The following MEIS2 variants were observed in gnomAD, a reference collection of about 807,000 sequenced individuals.
The protein encoded by MEIS2 is homeobox protein Meis2.
Under a neutral mutation model 58.6 loss-of-function variants are expected in MEIS2, and 9 were observed. The ratio of observed to expected loss-of-function variants is 0.15; its 90% confidence interval spans 0.09 to 0.27. The LOEUF (loss-of-function observed/expected upper bound fraction) is 0.27, where lower values mean the gene tolerates loss of function less well. Among genes scored for constraint, MEIS2 ranks in the 10% least tolerant of loss-of-function variants. The pLI is 1.00. For synonymous variants in MEIS2, 221 were observed against 228.4 expected (o/e 0.97, Z 0.29); for missense variants, 427 against 635.0 (o/e 0.67, Z 3.52).
chr15:37,094,623 AG>A, intron 4 of MEIS2, 46 bp from the exon 5 acceptor site: 1 of 1,575,798 alleles, frequency 6.3e-7, no homozygotes, highest in Non-Finnish European at 8.7e-7. Flanking sequence ...TGTGACTCTG[AG>A]GTCCTGTCTT....
rs534445536 is a variant in MEIS2, at chr15:36,895,203, G to A, written c.1095C>T (p.Pro365=). ...GACCATCCAACACAAAGCTCCCCAT[G>A]GGCTGACCCTCTGGACTATATGCTG... The part of the protein sequence containing the change: ...QGAAYSPEGQ[P]MGSFVLDGQQ... Residue 365 remains proline (P), a synonymous_variant, in exon 11 of 12, where the codon CCC becomes CCT. Transcript: ENST00000561208. The A allele has an allele frequency of 6.8e-6, 11 of 1,614,110 alleles. 1 individual carries two copies. The South Asian group carries it at 9.9e-5, about 15-fold the overall frequency.
At chr15:37,002,515 C>T (rs1489615479) in intron 8 of MEIS2, among the ~76,000 whole-genome samples, 1 of 152,122 alleles carries the variant, frequency 6.6e-6, no homozygotes, top group African/African-American at 2.4e-5. Flanking sequence ...TTGCATCCTC[C>T]TTTCACTTAG....
At chr15:36,900,335 G>A (rs1257020571) in intron 9 of MEIS2, among the ~76,000 whole-genome samples, 2 of 152,052 alleles carry the variant, frequency 1.3e-5, no homozygotes, top group Non-Finnish European at 2.9e-5. Flanking sequence ...AGTCCTTAGG[G>A]AATGAATACC....
intron 11 of MEIS2, 49 bp from the exon 12 acceptor site, chr15:36,892,508 T>C: frequency 3.3e-6 from 5 of 1,509,636 alleles, no homozygotes; most frequent in Non-Finnish European, 4.5e-6. Context: ...CTAAACATTT[T>C]TATACTTTAC....
chr15:36,914,067 G>A (rs991867471), intron 9 of MEIS2, among the ~76,000 whole-genome samples: 3 of 152,160 alleles, frequency 2.0e-5, no homozygotes, highest in African/African-American at 7.2e-5. Context: ...GGGATCTGAG[G>A]GGTTGGCAAC....
At chr15:37,099,237 C>T (rs1234169778) in intron 1 of MEIS2, 4 of 1,433,386 alleles carry the variant, frequency 2.8e-6, no homozygotes, top group African/African-American at 2.9e-5. Flanking sequence ...GGAACACGCG[C>T]GCCCAGACAC....
At chr15:36,987,179 G>A (rs1267527803) in intron 8 of MEIS2, among the ~76,000 whole-genome samples, 2 of 152,046 alleles carry the variant, frequency 1.3e-5, no homozygotes, top group Non-Finnish European at 2.9e-5. Flanking sequence ...AGGCCAAGGC[G>A]GGTGGATCAC....
chr15:36,971,536 T>TAAAAAAAAAAAAAAAA (rs1567126001), intron 8 of MEIS2, among the ~76,000 whole-genome samples: 3,453 of 65,382 alleles, frequency 0.053, 856 homozygotes, highest in Non-Finnish European at 0.07. Context: ...CCTTGTTACA[T>TAAAAAAAAAAAAAAAA]TAAAAAAAAA....
chr15:36,987,497 G>A (rs1164265692), intron 8 of MEIS2, among the ~76,000 whole-genome samples: 1 of 151,884 alleles, frequency 6.6e-6, no homozygotes, highest in African/African-American at 2.4e-5. Flanking sequence ...TTCTTGGGGT[G>A]AAATGACACT....
At position 36,891,214 on chromosome 15, in the gene MEIS2, C is replaced by G. The variant is rs555799214; in HGVS notation, c.*959G>C. ...AATTCATGGACATACAATACCAATTCCACAGCAGATCTGATACTAGCAAAA... is the reference window on the plus strand; with the variant it reads ...AATTCATGGACATACAATACCAATTGCACAGCAGATCTGATACTAGCAAAA... On this transcript the variant is annotated 3_prime_UTR_variant, in exon 12 of 12. Coordinates refer to ENST00000561208, the MANE Select transcript of MEIS2 (RefSeq NM_170675.5). The G allele has an allele frequency of 3.9e-5, 6 of 152,554 alleles. No homozygotes were observed. In the East Asian group the frequency reaches 1.2e-3, roughly 29 times the overall value. 9.5% of individuals were successfully genotyped at this position (152,554 alleles called of 1,614,324 possible). A position where few individuals can be genotyped will look rare whatever the true frequency, so the allele number is the denominator to read the frequency against.
chr15:37,100,572 G>C (rs915628432), upstream of MEIS2: 2 of 151,388 alleles, frequency 1.3e-5, no homozygotes, highest in African/African-American at 4.9e-5. Context: ...CCGGCTGGGG[G>C]GGTGGGGGAG....
At chr15:37,045,856 G>A (rs1245938596) in intron 7 of MEIS2, among the ~76,000 whole-genome samples, 1 of 152,112 alleles carries the variant, frequency 6.6e-6, no homozygotes, top group African/African-American at 2.4e-5. Context: ...AGGGTTTTCC[G>A]ACATTAAAGA....
intron 8 of MEIS2, among the ~76,000 whole-genome samples, chr15:36,979,533 T>G (rs1448457997): frequency 6.6e-6 from 1 of 151,758 alleles, no homozygotes; most frequent in Non-Finnish European, 1.5e-5. Flanking sequence ...GGGATAAACT[T>G]TTTTTTCATG....
chr15:36,981,989 A>G (rs190536818), intron 8 of MEIS2, among the ~76,000 whole-genome samples: 84 of 152,196 alleles, frequency 5.5e-4, no homozygotes, highest in African/African-American at 2.0e-3. Context: ...TTGAACTGGG[A>G]GTTACACCAT....
intron 8 of MEIS2, among the ~76,000 whole-genome samples, chr15:36,960,130 T>A (rs1471751525): frequency 6.6e-6 from 1 of 152,206 alleles, no homozygotes; most frequent in African/African-American, 2.4e-5. Context: ...TTGCACAGAT[T>A]ATGCTATGAA....
intron 8 of MEIS2, among the ~76,000 whole-genome samples, chr15:37,013,193 T>A (rs892793263): frequency 6.6e-6 from 1 of 152,072 alleles, no homozygotes; most frequent in African/African-American, 2.4e-5. Flanking sequence ...TCAGCCTGGA[T>A]GTGAGAATAA....
intron 8 of MEIS2, among the ~76,000 whole-genome samples, chr15:37,007,725 G>C (rs372864797): frequency 3.3e-5 from 5 of 152,296 alleles, no homozygotes; most frequent in East Asian, 3.9e-4. Flanking sequence ...AAAATTCTCT[G>C]TTCCTCATTC....
chr15:37,043,631 G>C (rs1480811226), intron 7 of MEIS2, among the ~76,000 whole-genome samples: 2 of 150,290 alleles, frequency 1.3e-5, no homozygotes, highest in African/African-American at 4.9e-5. Flanking sequence ...TCTATAGTTC[G>C]TAGGTGTTTT....
chr15:36,976,293 C>A (rs964550709), intron 8 of MEIS2, among the ~76,000 whole-genome samples: 1 of 151,698 alleles, frequency 6.6e-6, no homozygotes, highest in African/African-American at 2.4e-5. Flanking sequence ...ACCATGTTGG[C>A]CAGGCTGGTC....
Sources: allele counts gnomAD v4.1 joint callset (sites outside exome capture counted in the v4.1 genomes callset), GRCh38; gene constraint gnomAD v4.1.1; transcripts MANE v1.5; gene names NCBI Gene and HGNC (gene_info 2026-07-23, HGNC 2026-07-21).